The following STAT1 variants were observed in gnomAD, a reference collection of about 807,000 sequenced individuals.
STAT1 encodes the protein signal transducer and activator of transcription 1-alpha/beta.
Under a neutral mutation model 111.7 loss-of-function variants are expected in STAT1, and 24 were observed. The ratio of observed to expected loss-of-function variants is 0.21; its 90% CI spans 0.16 to 0.30. The LOEUF is 0.30. Among genes scored for constraint, STAT1 ranks in the 10% least tolerant of loss-of-function variants. STAT1 has a pLI of 1.00. For synonymous variants in STAT1, 332 were observed against 326.5 expected (o/e 1.02, Z -0.18); for missense variants, 351 against 911.9 (o/e 0.38, Z 7.92).
intron 5 of STAT1, among the ~76,000 whole-genome samples, chr2:191,002,716 C>T (rs1218033128): frequency 6.6e-6 from 1 of 152,110 alleles, no homozygotes; most frequent in Non-Finnish European, 1.5e-5. Context: ...AACACAGCAT[C>T]CTTGCTGTGT....
Position 190,976,953 on chromosome 2 carries a change from C to T in STAT1, c.1946G>A (p.Arg649His), listed in dbSNP as rs1245176183. 2.5e-6 allele frequency: 4 copies of T among 1,614,146 alleles called. No homozygotes were observed. The highest frequency in any genetic ancestry group is 1.7e-6 in the Non-Finnish European group (2 of 1,180,008). The change falls in exon 22 of 25, where the codon CGC becomes CAC. Residue 649 changes from arginine to histidine, a missense_variant. Physicochemically the swap from Arg to His is conservative, Grantham distance 29. Coordinates refer to ENST00000361099, the MANE Select transcript of STAT1 (RefSeq NM_007315.4). This position sits in a 1 kb window ranked among gnomAD's most constrained non-coding sequence, Gnocchi z 6.0. ...CTCAGCAGCCATGACTTTGTAATTG[C>T]GAATGATGTCAGGGAAAGTAACAGC... is the stretch of plus-strand genomic sequence containing the variant. ...LSAVTFPDIIRNYKVMAAENI... is the reference protein window; with the variant it reads ...LSAVTFPDIIHNYKVMAAENI...
Position 190,998,654 on chromosome 2 carries a change from T to C in STAT1, c.542-346A>G, listed in dbSNP as rs1694026677. Among the ~76,000 whole-genome samples the C allele has an allele frequency of 1.4e-5, 2 of 147,220 alleles. No individual in the cohort carries two copies. Among genetic ancestry groups the C allele is most frequent in the Middle Eastern group, 3.5e-3 (1 of 288 alleles). On this transcript the variant is annotated intron_variant, in intron 7 of 24. Transcript: ENST00000361099. This position sits in a 1 kb window ranked among gnomAD's most constrained non-coding sequence, Gnocchi z 4.1. ...TCTAGCCTGGGCGACAGAGCGAGAC[T>C]CCGTCTCCAAAAAAAAACAAAAAAA... is the stretch of plus-strand genomic sequence containing the variant.
Position 190,997,675 on chromosome 2 carries a change from A to C in STAT1, c.785+181T>G, listed in dbSNP as rs1044939008. Among the ~76,000 whole-genome samples, 1 of 152,180 alleles carries C rather than the reference A, an allele frequency of 6.6e-6. No homozygotes were observed. Among genetic ancestry groups the C allele is most frequent in the African/African-American group, 2.4e-5 (1 of 41,438 alleles). On this transcript the variant is annotated intron_variant, in intron 9 of 24. Transcript: ENST00000361099. This position sits in a 1 kb window ranked among gnomAD's most constrained non-coding sequence, Gnocchi z 7.3. ...AGCAGACGTGGCTGAACGTGGCGAG[A>C]GTCATGAATAACACTGTGCTTTCCA...
In STAT1 at chr2:190,984,220, T is replaced by A; in HGVS notation, c.1347+90A>T. The A allele has an allele frequency of 1.8e-6, 2 of 1,090,556 alleles. No homozygotes were observed. The highest frequency in any genetic ancestry group is 2.8e-6 in the Non-Finnish European group (2 of 719,272). 67.6% of individuals were successfully genotyped at this position (1,090,556 alleles called of 1,614,324 possible). A position where few individuals can be genotyped will look rare whatever the true frequency, so the allele number is the denominator to read the frequency against. ...ATTTTAAAACAATTAGGTAAATACC[T>A]CCAGAACAAACACTGAGAAATAAAA... On this transcript the variant is annotated intron_variant, in intron 16 of 24. Transcript: ENST00000361099. The surrounding 1 kb of genome is among the most constrained non-coding windows in gnomAD (Gnocchi z 5.2).
Position 190,970,818 on chromosome 2 carries a change from G to T in STAT1, c.2239-101C>A. On this transcript the variant is annotated intron_variant, in intron 24 of 24. Coordinates refer to ENST00000361099, the MANE Select transcript of STAT1 (RefSeq NM_007315.4). This position sits in a 1 kb window ranked among gnomAD's most constrained non-coding sequence, Gnocchi z 5.4. ...TGTCTATTCTAGAATGAAGTAGTAG[G>T]AAGATACTTGCAATGGCAAATAAAT... 1 of 1,146,358 alleles carries T rather than the reference G, an allele frequency of 8.7e-7. No homozygotes were observed. The highest frequency in any genetic ancestry group is 1.3e-6 in the Non-Finnish European group (1 of 764,392). 71.0% of individuals were successfully genotyped at this position (1,146,358 alleles called of 1,614,324 possible).
Position 190,987,474 on chromosome 2 carries a change from G to A in STAT1, c.1098-406C>T, listed in dbSNP as rs1692948190. The stretch of plus-strand genomic sequence containing the variant: ...GAGCAGCTACTTGGTGCAAGGCCCT[G>A]CACTAAGCACTGGGGATCCAGCCAA... On this transcript the variant is annotated intron_variant, in intron 12 of 24. Coordinates refer to ENST00000361099, the MANE Select transcript of STAT1 (RefSeq NM_007315.4). The surrounding 1 kb of genome is among the most constrained non-coding windows in gnomAD (Gnocchi z 4.0). Among the ~76,000 whole-genome samples the A allele has an allele frequency of 6.6e-6, 1 of 152,202 alleles. No individual in the cohort carries two copies. Among genetic ancestry groups the A allele is most frequent in the African/African-American group, 2.4e-5 (1 of 41,448 alleles).
chr2:190,992,759 C>A (rs1325400707), intron 10 of STAT1: 6 of 731,874 alleles, frequency 8.2e-6, no homozygotes, highest in Non-Finnish European at 8.1e-6. Context: ...CTGCCATCAT[C>A]ATGGAACACA....
In STAT1 at chr2:190,976,786, C is replaced by T. The variant is rs1691937470; in HGVS notation, c.2059+54G>A. ...ATGGGTGGAGTTTCAGAATAATCAC[C>T]CCCTCATCAGGAAAGACTGTGCCAC... is the stretch of plus-strand genomic sequence containing the variant. On this transcript the variant is annotated intron_variant, in intron 22 of 24. Transcript: ENST00000361099. This position sits in a 1 kb window ranked among gnomAD's most constrained non-coding sequence, Gnocchi z 6.0. 6.8e-7 allele frequency: 1 copy of T among 1,471,878 alleles called. No individual in the cohort carries two copies. The highest frequency in any genetic ancestry group is 9.5e-7 in the Non-Finnish European group (1 of 1,050,970). The allele number at this position is 1,471,878 out of a possible 1,614,324, so 91.2% of individuals were successfully genotyped here. A position where few individuals can be genotyped will look rare whatever the true frequency, so the allele number is the denominator to read the frequency against.
Position 190,976,191 on chromosome 2 carries a change from TC to T in STAT1, c.2060-305del, listed in dbSNP as rs1372203650. Reference sequence around the variant, plus strand: ...AGTCTGAGCCCAAAATATGCAAAGTTCTATCCAGTTTATTGGCATTAGCCTG... The same window carrying T: ...AGTCTGAGCCCAAAATATGCAAAGTTTATCCAGTTTATTGGCATTAGCCTG... On this transcript the variant is annotated intron_variant, in intron 22 of 24. Coordinates refer to ENST00000361099, the MANE Select transcript of STAT1 (RefSeq NM_007315.4). The surrounding 1 kb of genome is among the most constrained non-coding windows in gnomAD (Gnocchi z 6.0). Among the ~76,000 whole-genome samples the T allele has an allele frequency of 1.3e-5, 2 of 152,194 alleles. No individual in the cohort carries two copies. Among genetic ancestry groups the T allele is most frequent in the African/African-American group, 4.8e-5 (2 of 41,456 alleles).
At position 191,007,415 on chromosome 2, in the gene STAT1, A is replaced by G. The variant is rs762837760; in HGVS notation, c.372+148T>C. The G allele has an allele frequency of 1.8e-5, 12 of 660,920 alleles. No individual in the cohort carries two copies. Among genetic ancestry groups the G allele is most frequent in the East Asian group, 2.7e-5 (1 of 36,688 alleles). The allele number at this position is 660,920 out of a possible 1,614,324, so 40.9% of individuals were successfully genotyped here. On this transcript the variant is annotated intron_variant, in intron 5 of 24. Transcript: ENST00000361099. This position sits in a 1 kb window ranked among gnomAD's most constrained non-coding sequence, Gnocchi z 4.2. ...GATCTTTCTTAAAGCCTGGTTCTAT[A>G]AAATCTCTAAATCTGATTCTCCCAC...
rs1041695115 is a variant in STAT1, at chr2:190,970,050, AAGCTAAT to A, written c.*646_*652del. The A allele has an allele frequency of 9.5e-5, 15 of 157,370 alleles. No individual in the cohort carries two copies. The highest frequency in any genetic ancestry group is 3.6e-4 in the African/African-American group (15 of 41,482). 9.7% of individuals were successfully genotyped at this position (157,370 alleles called of 1,614,324 possible). A position where few individuals can be genotyped will look rare whatever the true frequency, so the allele number is the denominator to read the frequency against. On this transcript the variant is annotated 3_prime_UTR_variant, in exon 25 of 25. Coordinates refer to ENST00000361099, the MANE Select transcript of STAT1 (RefSeq NM_007315.4). The surrounding 1 kb of genome is among the most constrained non-coding windows in gnomAD (Gnocchi z 5.4). ...TGTCATTAAGCCATAACAAACAGTAAAGCTAATATTCTCTTCTCAAGAAACAGAATTT... is the reference window on the plus strand; with the variant it reads ...TGTCATTAAGCCATAACAAACAGTAAATTCTCTTCTCAAGAAACAGAATTT...
Position 190,983,623 on chromosome 2 carries a change from G to T in STAT1, c.1446+19C>A. 1 of 1,610,808 alleles carries T rather than the reference G, an allele frequency of 6.2e-7. No homozygotes were observed. Among genetic ancestry groups the T allele is most frequent in the Non-Finnish European group, 8.5e-7 (1 of 1,177,016 alleles). On this transcript the variant is annotated intron_variant, in intron 17 of 24. Transcript: ENST00000361099. The surrounding 1 kb of genome is among the most constrained non-coding windows in gnomAD (Gnocchi z 5.7). The stretch of plus-strand genomic sequence containing the variant: ...GTCTCTGCTTAACCCTGGGACCAAA[G>T]CAAATGTGTTTTCCATACCCTGGGT...
chr2:190,984,109 T>G lies in STAT1; in HGVS notation c.1347+201A>C, dbSNP rs1692596446. ...CATCAGCGATCTCAACTGGAACTTT[T>G]AAGTTATTGAATTTGAAGGTTAATT... On this transcript the variant is annotated intron_variant, in intron 16 of 24. Coordinates refer to ENST00000361099, the MANE Select transcript of STAT1 (RefSeq NM_007315.4). This position sits in a 1 kb window ranked among gnomAD's most constrained non-coding sequence, Gnocchi z 5.2. Among the ~76,000 whole-genome samples, 1 of 152,204 alleles carries G rather than the reference T, an allele frequency of 6.6e-6. No individual in the cohort carries two copies. Among genetic ancestry groups the G allele is most frequent in the African/African-American group, 2.4e-5 (1 of 41,466 alleles).
At chr2:191,001,926 A>AT (rs1027429639) in intron 5 of STAT1, among the ~76,000 whole-genome samples, 16 of 152,106 alleles carry the variant, frequency 1.1e-4, no homozygotes, top group African/African-American at 2.7e-4. Context: ...GAAAGATGTT[A>AT]TTTTTTTAGA....
chr2:190,976,723 GA>G lies in STAT1; in HGVS notation c.2059+116del. 1.1e-6 allele frequency: 1 copy of G among 870,632 alleles called. No individual in the cohort carries two copies. The highest frequency in any genetic ancestry group is 1.4e-5 in the South Asian group (1 of 70,914). 53.9% of individuals were successfully genotyped at this position (870,632 alleles called of 1,614,324 possible). ...CTGCACTGAGTTTATGCCATCTTTT[GA>G]AAGCCTACTCTTACCAATTCGAAAG... On this transcript the variant is annotated intron_variant, in intron 22 of 24. Coordinates refer to ENST00000361099, the MANE Select transcript of STAT1 (RefSeq NM_007315.4). The surrounding 1 kb of genome is among the most constrained non-coding windows in gnomAD (Gnocchi z 6.0).
Position 190,976,802 on chromosome 2 carries a change from A to G in STAT1, c.2059+38T>C. On this transcript the variant is annotated intron_variant, in intron 22 of 24. Coordinates refer to ENST00000361099, the MANE Select transcript of STAT1 (RefSeq NM_007315.4). This position sits in a 1 kb window ranked among gnomAD's most constrained non-coding sequence, Gnocchi z 6.0. The stretch of plus-strand genomic sequence containing the variant: ...AATAATCACCCCCTCATCAGGAAAG[A>G]CTGTGCCACGCTGTTACCACCTGCT... 6.4e-7 allele frequency: 1 copy of G among 1,569,750 alleles called. No individual in the cohort carries two copies. Among genetic ancestry groups the G allele is most frequent in the South Asian group, 1.1e-5 (1 of 90,132 alleles).
chr2:190,983,891 T>C lies in STAT1; in HGVS notation c.1348-151A>G. The C allele has an allele frequency of 1.4e-6, 1 of 731,740 alleles. No homozygotes were observed. Among genetic ancestry groups the C allele is most frequent in the East Asian group, 2.7e-5 (1 of 36,810 alleles). The allele number at this position is 731,740 out of a possible 1,614,324, so 45.3% of individuals were successfully genotyped here. ...AGAAGTGTTAAGTTCTGTTCTTCTGTCCAGTTTAACTTGTCTTTGATGTAT... is the reference window on the plus strand; with the variant it reads ...AGAAGTGTTAAGTTCTGTTCTTCTGCCCAGTTTAACTTGTCTTTGATGTAT... On this transcript the variant is annotated intron_variant, in intron 16 of 24. Coordinates refer to ENST00000361099, the MANE Select transcript of STAT1 (RefSeq NM_007315.4). The surrounding 1 kb of genome is among the most constrained non-coding windows in gnomAD (Gnocchi z 5.7).
rs1176971216 is a variant in STAT1 at position 190,996,884 on chromosome 2, A to G, written c.785+972T>C. Among the ~76,000 whole-genome samples, 2 of 152,084 alleles carry G rather than the reference A, an allele frequency of 1.3e-5. No individual in the cohort carries two copies. The highest frequency in any genetic ancestry group is 2.9e-5 in the Non-Finnish European group (2 of 68,014). On this transcript the variant is annotated intron_variant, in intron 9 of 24. Coordinates refer to ENST00000361099, the MANE Select transcript of STAT1 (RefSeq NM_007315.4). This position sits in a 1 kb window ranked among gnomAD's most constrained non-coding sequence, Gnocchi z 4.5. ...ACACTAATATGCTAATAGTATTCCAACTGGTCTTTCTGTCTCTATCCTATC... is the reference window on the plus strand; with the variant it reads ...ACACTAATATGCTAATAGTATTCCAGCTGGTCTTTCTGTCTCTATCCTATC...
Position 190,995,353 on chromosome 2 carries a change from G to C in STAT1, c.786-134C>G. 1 of 963,538 alleles carries C rather than the reference G, an allele frequency of 1.0e-6. No homozygotes were observed. Among genetic ancestry groups the C allele is most frequent in the Admixed American group, 1.9e-5 (1 of 53,180 alleles). The allele number at this position is 963,538 out of a possible 1,614,324, so 59.7% of individuals were successfully genotyped here. ...TACTCGAGACTGGAGAATTTATAAA[G>C]GAAAGAGGTTTAATTGACACATAGT... On this transcript the variant is annotated intron_variant, in intron 9 of 24. Transcript: ENST00000361099. The surrounding 1 kb of genome is among the most constrained non-coding windows in gnomAD (Gnocchi z 4.2).
Sources: allele counts gnomAD v4.1 joint callset (sites outside exome capture counted in the v4.1 genomes callset), GRCh38; gene constraint gnomAD v4.1.1; non-coding constraint Gnocchi (gnomAD v3.1); transcripts MANE v1.5; gene names NCBI Gene and HGNC (gene_info 2026-07-23, HGNC 2026-07-21).